MXD3: variants seen among roughly 807,000 people sequenced by gnomAD.
MXD3 encodes the protein MAX dimerization protein 3.
Under a neutral mutation model 27.5 loss-of-function variants are expected in MXD3, and 20 were observed. The observed-to-expected ratio is 0.73, with a 90% CI of 0.51 to 1.06. MXD3 has a LOEUF of 1.06. Among genes scored for constraint, MXD3 ranks in the 50% least tolerant of loss-of-function variants. The pLI, the probability that MXD3 is intolerant of heterozygous loss-of-function variation, is 0.00. For missense variants in MXD3, 298 were observed against 291.3 expected (o/e 1.02, Z -0.17); for synonymous variants, 150 against 130.7 (o/e 1.15, Z -1.01).
At position 177,311,817 on chromosome 5, in the gene MXD3, G is replaced by A. The variant is rs1761046266; in HGVS notation, c.14C>T (p.Ala5Val). The stretch of plus-strand genomic sequence containing the variant: ...CTGCAGCAGGACCTGGATGTTGCTG[G>A]CCAAGGGTTCCATGTCGGCGACAGC... MEPL[A>V]SNIQVLLQAA... is the part of the protein sequence containing the mutation. Residue 5 changes from alanine to valine, a missense_variant, in exon 1 of 6, where the codon GCC becomes GTC. Physicochemically the swap from Ala to Val is moderately conservative, Grantham distance 64. Coordinates refer to ENST00000439742, the MANE Select transcript of MXD3 (RefSeq NM_031300.4). 7 of 1,612,378 alleles carry A rather than the reference G, an allele frequency of 4.3e-6. No individual in the cohort carries two copies. In the Middle Eastern group the frequency reaches 4.9e-4, roughly 114 times the overall value.
At chr5:177,311,120 G>C in intron 2 of MXD3, 1 of 529,966 alleles carries the variant, frequency 1.9e-6, no homozygotes, top group Non-Finnish European at 3.3e-6. Context: ...TGTGTGGGGT[G>C]CGGGAGTGCG....
upstream of MXD3, chr5:177,311,925 A>G: frequency 1.4e-6 from 2 of 1,432,520 alleles, no homozygotes; most frequent in Non-Finnish European, 1.8e-6. Context: ...GGTGCAACAA[A>G]CACAGGGGCC....
chr5:177,305,950 C>T, downstream of MXD3: 5 of 1,614,098 alleles, frequency 3.1e-6, no homozygotes, highest in Non-Finnish European at 3.4e-6. Context: ...GCCTGGGTCT[C>T]CTCTAGCTTA....
In MXD3 at chr5:177,307,867, A is replaced by G. The variant is rs775555092; in HGVS notation, c.419T>C (p.Leu140Pro). 3.7e-6 allele frequency: 6 copies of G among 1,608,746 alleles called. No individual in the cohort carries two copies. In the South Asian group the frequency reaches 5.5e-5, roughly 15 times the overall value. The change falls in exon 5 of 6, where the codon CTG becomes CCG. Residue 140 changes from leucine to proline, a missense_variant. Physicochemically the swap from Leu to Pro is moderately conservative, Grantham distance 98. Transcript: ENST00000439742. ...LQRQLEQLRG[L>P]AGAAERERLR... ...CCGCTCCCGCTCGGCCGCCCCTGCC[A>G]GCCCCCGGAGCTGCTCCAGCTGCCG...
downstream of MXD3, chr5:177,306,846 T>C (rs1561593646): frequency 4.1e-6 from 3 of 725,280 alleles, no homozygotes; most frequent in East Asian, 2.7e-5. Context: ...TGGCGGTAAG[T>C]GCTAGACTGT....
Position 177,311,854 on chromosome 5 carries a change from C to T in MXD3, c.-24G>A. 1 of 1,606,296 alleles carries T rather than the reference C, an allele frequency of 6.2e-7. No homozygotes were observed. Among genetic ancestry groups the T allele is most frequent in the Non-Finnish European group, 8.5e-7 (1 of 1,176,546 alleles). On this transcript the variant is annotated 5_prime_UTR_variant, in exon 1 of 6. Coordinates refer to ENST00000439742, the MANE Select transcript of MXD3 (RefSeq NM_031300.4). Reference sequence around the variant, plus strand: ...ATGTCGGCGACAGCTGGCGGCGGGCCGGCCTAGGGTGCCGGCCGGAGCAAG... The same window carrying T: ...ATGTCGGCGACAGCTGGCGGCGGGCTGGCCTAGGGTGCCGGCCGGAGCAAG...
chr5:177,307,330 A>T lies in MXD3; in HGVS notation c.*258T>A. 1 of 1,543,560 alleles carries T rather than the reference A, an allele frequency of 6.5e-7. No homozygotes were observed. The highest frequency in any genetic ancestry group is 8.8e-7 in the Non-Finnish European group (1 of 1,141,240). On this transcript the variant is annotated 3_prime_UTR_variant, in exon 6 of 6. Coordinates refer to ENST00000439742, the MANE Select transcript of MXD3 (RefSeq NM_031300.4). ...TGTCCCCTTGGGGGCAGCAGAGCCAAATGCTTGGGCTCGGGCCCAAGCTGC... is the reference window on the plus strand; with the variant it reads ...TGTCCCCTTGGGGGCAGCAGAGCCATATGCTTGGGCTCGGGCCCAAGCTGC...
chr5:177,307,857 C>A lies in MXD3; in HGVS notation c.429G>T (p.Ala143=). 2 of 1,609,898 alleles carry A rather than the reference C, an allele frequency of 1.2e-6. No homozygotes were observed. The highest frequency in any genetic ancestry group is 1.1e-5 in the South Asian group (1 of 90,860). The change falls in exon 5 of 6, where the codon GCG becomes GCT. Residue 143 remains alanine (A), a synonymous_variant. Transcript: ENST00000439742. ...QLEQLRGLAG[A]AERERLRADS... ...CCGCCCGCAGCCGCTCCCGCTCGGC[C>A]GCCCCTGCCAGCCCCCGGAGCTGCT...
chr5:177,311,728 C>T (rs779356844), intron 1 of MXD3, 33 bp downstream of exon 1: 13 of 1,605,266 alleles, frequency 8.1e-6, no homozygotes, highest in Non-Finnish European at 3.4e-6. Flanking sequence ...AGCGAGGTCG[C>T]CGCCCGGAAT....
Position 177,311,884 on chromosome 5 carries a change from TGCA to T in MXD3, c.-57_-55del, listed in dbSNP as rs1761048919. 1 of 1,577,738 alleles carries T rather than the reference TGCA, an allele frequency of 6.3e-7. No homozygotes were observed. The highest frequency in any genetic ancestry group is 8.6e-7 in the Non-Finnish European group (1 of 1,164,022). ...TAGGGTGCCGGCCGGAGCAAGCGGC[TGCA>T]GCACTTTTGTTACAAAGTAACTGAC... is the stretch of plus-strand genomic sequence containing the variant. On this transcript the variant is annotated 5_prime_UTR_variant, in exon 1 of 6. Coordinates refer to ENST00000439742, the MANE Select transcript of MXD3 (RefSeq NM_031300.4).
upstream of MXD3, chr5:177,312,114 G>A (rs1761054048): frequency 8.9e-7 from 1 of 1,121,746 alleles, no homozygotes; most frequent in Admixed American, 5.0e-5. Context: ...CGAACCCTCA[G>A]GCTAACCGGT....
At chr5:177,311,308 G>A in intron 2 of MXD3, 71 bp downstream of exon 2, 1 of 1,040,136 alleles carries the variant, frequency 9.6e-7, no homozygotes, top group Non-Finnish European at 1.3e-6. Context: ...AGCAACAAGT[G>A]GGCAGAGGAG....
At position 177,310,530 on chromosome 5, in the gene MXD3, A is replaced by G. The variant is rs573616144; in HGVS notation, c.217T>C (p.Leu73=). 1.9e-6 allele frequency: 3 copies of G among 1,611,582 alleles called. No individual in the cohort carries two copies. The highest frequency in any genetic ancestry group is 2.5e-6 in the Non-Finnish European group (3 of 1,178,862). The change falls in exon 4 of 6, where the codon TTG becomes CTG. Residue 73 remains leucine (L), a synonymous_variant. Transcript: ENST00000439742. ...NELEKRRRAQ[L]KRCLERLKQQ... ...TTCAGCCGCTCCAGGCACCGCTTCA[A>G]CTGGGCCCTCCTGTGGGGAAGAGGT...
intron 2 of MXD3, 112 bp from the exon 3 acceptor site, chr5:177,310,809 C>T: frequency 8.0e-7 from 1 of 1,255,398 alleles, no homozygotes; most frequent in Non-Finnish European, 1.1e-6. Flanking sequence ...CAAACAAGTC[C>T]CCTGTGGAGA....
intron 2 of MXD3, 159 bp downstream of exon 2, chr5:177,311,216 TGTGA>T (rs1371347134): frequency 6.3e-5 from 33 of 524,732 alleles, no homozygotes; most frequent in Non-Finnish European, 1.1e-4. Flanking sequence ...AATAGAAAGG[TGTGA>T]GTGTGTTTGG....
At chr5:177,311,350 C>A in intron 2 of MXD3, 29 bp downstream of exon 2, 3 of 1,400,478 alleles carry the variant, frequency 2.1e-6, no homozygotes, top group Non-Finnish European at 2.8e-6. Context: ...CACCCCCACC[C>A]CCACTCCCGC....
chr5:177,306,295 G>A (rs933300907), downstream of MXD3: 3 of 1,564,062 alleles, frequency 1.9e-6, no homozygotes, highest in Admixed American at 5.1e-5. Flanking sequence ...TGTACTGGGG[G>A]TGGGAGGAGG....
At chr5:177,311,608 C>T (rs1761041653) in intron 1 of MXD3, 124 bp from the exon 2 acceptor site, 4 of 1,135,596 alleles carry the variant, frequency 3.5e-6, no homozygotes, top group Non-Finnish European at 4.9e-6. Context: ...CCCGTCCCTG[C>T]TCTACCGCCC....
chr5:177,308,522 G>A (rs1042463440), intron 4 of MXD3, among the ~76,000 whole-genome samples: 5 of 152,012 alleles, frequency 3.3e-5, no homozygotes, highest in Non-Finnish European at 2.9e-5. Flanking sequence ...ACAGGGGCCC[G>A]CCACCATGCC....
Sources: allele counts gnomAD v4.1 joint callset (sites outside exome capture counted in the v4.1 genomes callset), GRCh38; gene constraint gnomAD v4.1.1; transcripts MANE v1.5; gene names NCBI Gene and HGNC (gene_info 2026-07-23, HGNC 2026-07-21).